SEC24D: variants seen among roughly 807,000 people sequenced by gnomAD.
SEC24D encodes the protein protein transport protein Sec24D.
SEC24D carries 69 observed loss-of-function variants against 116.9 expected under a neutral mutation model. That is an observed-to-expected ratio of 0.59 (90% CI 0.49 to 0.72). The LOEUF (loss-of-function observed/expected upper bound fraction) is 0.72, where lower values mean the gene tolerates loss of function less well. Among genes scored for constraint, SEC24D ranks in the 30% least tolerant of loss-of-function variants. The pLI is 0.00. For missense variants in SEC24D, 1,131 were observed against 1,264.1 expected (o/e 0.89, Z 1.60); for synonymous variants, 405 against 442.8 (o/e 0.91, Z 1.07).
At chr4:118,810,168 A>C (rs1729862159) in intron 6 of SEC24D, among the ~76,000 whole-genome samples, 1 of 137,450 alleles carries the variant, frequency 7.3e-6, no homozygotes, top group Admixed American at 7.6e-5. Context: ...GGGGTGGCAA[A>C]TAATGTAGGG....
chr4:118,815,265 TA>T, intron 5 of SEC24D, 110 bp from the exon 6 acceptor site: 2 of 1,442,008 alleles, frequency 1.4e-6, no homozygotes, highest in Non-Finnish European at 1.9e-6. Context: ...TTCATCTTAT[TA>T]AAAAAAGCAA....
At chr4:118,806,166 C>T (rs1295921846) in intron 6 of SEC24D, among the ~76,000 whole-genome samples, 2 of 152,096 alleles carry the variant, frequency 1.3e-5, no homozygotes, top group Non-Finnish European at 2.9e-5. Flanking sequence ...CATGGAAAAA[C>T]CTACCATGTC....
At chr4:118,735,611 A>T (rs1725917743) in intron 19 of SEC24D, 1 of 152,052 alleles carries the variant, frequency 6.6e-6, no homozygotes, top group Non-Finnish European at 1.5e-5. Flanking sequence ...TGATATATTT[A>T]AGCTCAGAAC....
At chr4:118,732,596 A>G (rs909197783) in intron 20 of SEC24D, 137 bp downstream of exon 20, 13 of 803,260 alleles carry the variant, frequency 1.6e-5, no homozygotes, top group Non-Finnish European at 2.6e-5. Flanking sequence ...GAAATCCCAC[A>G]CCATATATTT....
chr4:118,828,079 C>G (rs1392747704), intron 2 of SEC24D, among the ~76,000 whole-genome samples: 1 of 152,024 alleles, frequency 6.6e-6, no homozygotes, highest in East Asian at 1.9e-4. Context: ...TATCACCACC[C>G]CACAGCCCCT....
rs766268291 is a variant in SEC24D, at chr4:118,745,054, C to G, written c.1714G>C (p.Asp572His). ...AAGATGAACAGCTTCCCAGGACAGT[C>G]TGCTGCCTAAAAAAAAAAAAAAACC... ...QAGMEALKAA[D>H]CPGKLFIFHS... The change falls in exon 14 of 23, where the codon GAC (aspartate) becomes CAC (histidine). Residue 572 changes from aspartate (D) to histidine (H), a missense_variant. By Grantham distance (81) the Asp-to-His change is moderately conservative (BLOSUM62 -1). Coordinates refer to ENST00000280551, the MANE Select transcript of SEC24D (RefSeq NM_014822.4). 1.3e-6 allele frequency: 2 copies of G among 1,546,154 alleles called. No homozygotes were observed. The highest frequency in any genetic ancestry group is 1.2e-5 in the South Asian group (1 of 84,366).
At chr4:118,810,953 TAA>T (rs772046473) in intron 6 of SEC24D, among the ~76,000 whole-genome samples, 5 of 152,076 alleles carry the variant, frequency 3.3e-5, no homozygotes, top group African/African-American at 4.8e-5. Context: ...AAGCAAAATG[TAA>T]AAGTTTCATT....
At chr4:118,744,332 A>G (rs891524735) in intron 14 of SEC24D, among the ~76,000 whole-genome samples, 174 bp from the exon 15 acceptor site, 3 of 152,204 alleles carry the variant, frequency 2.0e-5, no homozygotes, top group African/African-American at 7.2e-5. Flanking sequence ...TGCAGTGGCC[A>G]CCTGCTGAGC....
At chr4:118,749,919 T>A (rs1401877381) in intron 13 of SEC24D, among the ~76,000 whole-genome samples, 1 of 152,230 alleles carries the variant, frequency 6.6e-6, no homozygotes, top group Non-Finnish European at 1.5e-5. Context: ...ATTTACCTTT[T>A]ATAAAGATAG....
chr4:118,800,946 A>G (rs1216304435), intron 7 of SEC24D, among the ~76,000 whole-genome samples: 1 of 152,128 alleles, frequency 6.6e-6, no homozygotes, highest in Non-Finnish European at 1.5e-5. Context: ...GCCCATGGGC[A>G]ACCGTGACAT....
intron 4 of SEC24D, among the ~76,000 whole-genome samples, chr4:118,816,305 G>A (rs1412666933): frequency 6.6e-6 from 1 of 152,130 alleles, no homozygotes; most frequent in Admixed American, 6.5e-5. Flanking sequence ...TAACTCAGTT[G>A]TGTAATTACA....
At chr4:118,801,711 A>G (rs1729453310) in intron 7 of SEC24D, among the ~76,000 whole-genome samples, 1 of 152,202 alleles carries the variant, frequency 6.6e-6, no homozygotes, top group Non-Finnish European at 1.5e-5. Flanking sequence ...ATTTTTTGAC[A>G]GTGAAATATG....
At chr4:118,831,114 C>G (rs891324193) in intron 2 of SEC24D, among the ~76,000 whole-genome samples, 1 of 152,130 alleles carries the variant, frequency 6.6e-6, no homozygotes, top group Non-Finnish European at 1.5e-5. Context: ...CTCCATCTCC[C>G]TGGTTCAAGC....
intron 8 of SEC24D, among the ~76,000 whole-genome samples, chr4:118,771,439 T>G (rs935930001): frequency 6.6e-6 from 1 of 152,192 alleles, no homozygotes; most frequent in Admixed American, 6.5e-5. Context: ...TTACACAACA[T>G]GAAAGTGATA....
At chr4:118,791,364 T>C (rs556409146) in intron 8 of SEC24D, among the ~76,000 whole-genome samples, 60 of 152,340 alleles carry the variant, frequency 3.9e-4, no homozygotes, top group African/African-American at 1.4e-3. Context: ...CCAGAGTCTC[T>C]GTGGTTTTGC....
At chr4:118,751,176 C>CTTTTTTTTTTGTT (rs1726809498) in intron 13 of SEC24D, among the ~76,000 whole-genome samples, 1 of 100,326 alleles carries the variant, frequency 1.0e-5, no homozygotes, top group African/African-American at 3.4e-5. Context: ...AGAGTGAGGG[C>CTTTTTTTTTTGTT]TTTTTTTTTT....
At chr4:118,781,212 G>A (rs554382780) in intron 8 of SEC24D, among the ~76,000 whole-genome samples, 1 of 152,212 alleles carries the variant, frequency 6.6e-6, no homozygotes, top group South Asian at 2.1e-4. Flanking sequence ...GCATGTTTTT[G>A]CAGTGGCTGG....
chr4:118,792,011 T>A (rs1301553043), intron 8 of SEC24D, among the ~76,000 whole-genome samples: 1 of 148,886 alleles, frequency 6.7e-6, no homozygotes, highest in East Asian at 2.0e-4. Flanking sequence ...GAAGCGCCTC[T>A]TCCCGGCCTC....
At chr4:118,743,561 G>A (rs1245522898) in intron 15 of SEC24D, among the ~76,000 whole-genome samples, 1 of 152,122 alleles carries the variant, frequency 6.6e-6, no homozygotes, top group African/African-American at 2.4e-5. Context: ...ACAGGGTCTT[G>A]CTATGTAGCC....
Sources: allele counts gnomAD v4.1 joint callset (sites outside exome capture counted in the v4.1 genomes callset), GRCh38; gene constraint gnomAD v4.1.1; transcripts MANE v1.5; gene names NCBI Gene and HGNC (gene_info 2026-07-23, HGNC 2026-07-21).